The following ADGRF3 variants were observed in gnomAD, a reference collection of about 807,000 sequenced individuals.
The protein encoded by ADGRF3 is adhesion G protein-coupled receptor F3.
ADGRF3 carries 85 observed loss-of-function variants against 93.2 expected under a neutral mutation model. That is an observed-to-expected ratio of 0.91 (90% CI 0.77 to 1.09). The LOEUF (loss-of-function observed/expected upper bound fraction) is 1.09. ADGRF3 is among the 50% of genes least tolerant of loss of function. ADGRF3 has a pLI of 0.00. For missense variants in ADGRF3, 1,125 were observed against 1,246.2 expected (o/e 0.90, Z 1.46); for synonymous variants, 534 against 532.5 (o/e 1.00, Z -0.04).
At chr2:26,325,180 C>T (rs772696298) in intron 1 of ADGRF3, among the ~76,000 whole-genome samples, 83 of 152,248 alleles carry the variant, frequency 5.5e-4, no homozygotes, top group Non-Finnish European at 8.8e-4. Flanking sequence ...CAGCTGTTCA[C>T]CCAGCTGCAG....
intron 1 of ADGRF3, among the ~76,000 whole-genome samples, chr2:26,339,506 A>C (rs1676251160): frequency 6.6e-6 from 1 of 152,140 alleles, no homozygotes; most frequent in Non-Finnish European, 1.5e-5. Flanking sequence ...AAACAAACAA[A>C]CCAACAAAAC....
intron 1 of ADGRF3, among the ~76,000 whole-genome samples, chr2:26,320,521 T>C (rs1187811524): frequency 6.6e-6 from 1 of 152,012 alleles, no homozygotes; most frequent in Non-Finnish European, 1.5e-5. Flanking sequence ...AAAAAAGAAG[T>C]AGTTTGATAA....
In ADGRF3 at chr2:26,311,685, A is replaced by C. The variant is rs776908759; in HGVS notation, c.1839T>G (p.Thr613=). The change falls in exon 10 of 14, where the codon ACT becomes ACG. Residue 613 remains threonine (T), a synonymous_variant. Coordinates refer to ENST00000651242, the MANE Select transcript of ADGRF3 (RefSeq NM_001321971.2). ...TGGAAATGACAAGGACCAGGCCAGG[A>C]GTGGCATAGAGGGAATCCCCCAGCC... The part of the protein sequence containing the change: ...GQGLGDSLYA[T]PGLVLVISIM... 6.2e-7 allele frequency: 1 copy of C among 1,613,478 alleles called. No homozygotes were observed. The highest frequency in any genetic ancestry group is 1.1e-5 in the South Asian group (1 of 91,060).
chr2:26,341,944 G>T (rs1676420606), intron 1 of ADGRF3, among the ~76,000 whole-genome samples: 1 of 151,904 alleles, frequency 6.6e-6, no homozygotes, highest in South Asian at 2.1e-4. Context: ...ATGGTGGCAG[G>T]TGCCTGTAGT....
At chr2:26,309,227 TAA>T in intron 13 of ADGRF3, 120 bp from the exon 14 acceptor site, 1 of 1,608,876 alleles carries the variant, frequency 6.2e-7, no homozygotes, top group Admixed American at 1.7e-5. Flanking sequence ...TCATGATAAT[TAA>T]ATGTGTGATA....
At chr2:26,310,591 A>T (rs1338277599) in intron 10 of ADGRF3, 101 bp downstream of exon 10, 1 of 1,265,186 alleles carries the variant, frequency 7.9e-7, no homozygotes, top group East Asian at 2.5e-5. Context: ...TCCTGAACCT[A>T]TGTTTCTTCT....
chr2:26,325,489 G>C (rs1453872155), intron 1 of ADGRF3, among the ~76,000 whole-genome samples: 1 of 152,186 alleles, frequency 6.6e-6, no homozygotes, highest in East Asian at 1.9e-4. Flanking sequence ...TCCTGCATTT[G>C]CTGTCTGGGA....
In ADGRF3 at chr2:26,346,396, C is replaced by T. The variant is rs1676758547; in HGVS notation, c.-162G>A. The T allele has an allele frequency of 7.6e-7, 1 of 1,323,608 alleles. No individual in the cohort carries two copies. The highest frequency in any genetic ancestry group is 1.5e-5 in the African/African-American group (1 of 64,680). The allele number at this position is 1,323,608 out of a possible 1,614,324, so 82.0% of individuals were successfully genotyped here. ...TCACCTTGTGCCGCGTGGCTCCGGGCGGGCTGGCGGGCGTTCCTCCGGAGG... is the reference window on the plus strand; with the variant it reads ...TCACCTTGTGCCGCGTGGCTCCGGGTGGGCTGGCGGGCGTTCCTCCGGAGG... On this transcript the variant is annotated 5_prime_UTR_variant, in exon 1 of 14. Transcript: ENST00000651242.
Position 26,313,432 on chromosome 2 carries a change from G to A in ADGRF3, c.1214C>T (p.Pro405Leu), listed in dbSNP as rs528258945. ...CGCATCTGTGCAGCTGCTGTGGACC[G>A]GCCCCCAGACTCCGTCAGCCCCACA... ...RLCGADGVWG[P>L]VHSSCTDARL... The change falls in exon 8 of 14, where the codon CCG becomes CTG. Residue 405 changes from proline (P) to leucine (L), a missense_variant. By Grantham distance (98) the Pro-to-Leu change is moderately conservative. Coordinates refer to ENST00000651242, the MANE Select transcript of ADGRF3 (RefSeq NM_001321971.2). The A allele has an allele frequency of 8.7e-6, 14 of 1,609,202 alleles. No individual in the cohort carries two copies. The highest frequency in any genetic ancestry group is 2.7e-5 in the African/African-American group (2 of 74,780).
In ADGRF3 at chr2:26,313,585, C is replaced by A. The variant is rs763208063; in HGVS notation, c.1073-12G>T. 3 of 1,597,210 alleles carry A rather than the reference C, an allele frequency of 1.9e-6. No homozygotes were observed. The Admixed American group carries it at 5.1e-5, about 27-fold the overall frequency. The stretch of plus-strand genomic sequence containing the variant: ...GGTGATGTCTCCATCTGAAGAATGA[C>A]GAGCAGGCGCTACTCAGCAATCACA... On this transcript the variant is annotated splice_polypyrimidine_tract_variant and intron_variant, in intron 7 of 13. Transcript: ENST00000651242.
At position 26,309,916 on chromosome 2, in the gene ADGRF3, C is replaced by A. The variant is rs1421688617; in HGVS notation, c.2937+127G>T. The A allele has an allele frequency of 1.9e-6, 3 of 1,594,438 alleles. No homozygotes were observed. The South Asian group carries it at 3.4e-5, about 18-fold the overall frequency. On this transcript the variant is annotated intron_variant, in intron 12 of 13. Coordinates refer to ENST00000651242, the MANE Select transcript of ADGRF3 (RefSeq NM_001321971.2). ...GGGGAGCTGGAACCGGAAAACTGTT[C>A]ATTCTAAAAAACAACCCCAATCTTC...
At position 26,311,297 on chromosome 2, in the gene ADGRF3, C is replaced by A; in HGVS notation, c.2227G>T (p.Ala743Ser). Residue 743 changes from alanine (A) to serine (S), a missense_variant, in exon 10 of 14, where the codon GCC becomes TCC. Ala to Ser is a moderately conservative substitution (Grantham distance 99). Transcript: ENST00000651242. ...AAGCAGAACACCATGTTGAGCAGGGCGGCGTGGCGGAAATAGGAGATCTTG... is the reference window on the plus strand; with the variant it reads ...AAGCAGAACACCATGTTGAGCAGGGAGGCGTGGCGGAAATAGGAGATCTTG... The part of the protein sequence containing the change: ...RNKISYFRHA[A>S]LLNMVFCLLA... 6.2e-7 allele frequency: 1 copy of A among 1,613,788 alleles called. No homozygotes were observed. Among genetic ancestry groups the A allele is most frequent in the Non-Finnish European group, 8.5e-7 (1 of 1,179,842 alleles).
chr2:26,330,562 C>T (rs1404567562), intron 1 of ADGRF3, among the ~76,000 whole-genome samples: 2 of 152,180 alleles, frequency 1.3e-5, no homozygotes, highest in Non-Finnish European at 2.9e-5. Context: ...GTTCCCCTCC[C>T]TCAGAGTTCT....
chr2:26,314,520 C>T lies in ADGRF3; in HGVS notation c.822G>A (p.Gln274=). The T allele has an allele frequency of 6.2e-7, 1 of 1,614,074 alleles. No homozygotes were observed. The highest frequency in any genetic ancestry group is 1.1e-5 in the South Asian group (1 of 91,088). The part of the protein sequence containing the change: ...KATDVARLPY[Q]LSISCATSPG... ...GGGAGGTGGCACAGGAGATGGACAGCTGGTATGGAAGTCGAGCCACATCTG... is the reference window on the plus strand; with the variant it reads ...GGGAGGTGGCACAGGAGATGGACAGTTGGTATGGAAGTCGAGCCACATCTG... The change falls in exon 6 of 14, where the codon CAG becomes CAA. Residue 274 remains glutamine (Q), a synonymous_variant. Transcript: ENST00000651242.
intron 1 of ADGRF3, among the ~76,000 whole-genome samples, chr2:26,334,327 C>T (rs1015906970): frequency 6.6e-6 from 1 of 151,352 alleles, no homozygotes; most frequent in African/African-American, 2.4e-5. Flanking sequence ...AAACCACCCA[C>T]AATGCTTTAA....
At chr2:26,341,766 G>A (rs547153939) in intron 1 of ADGRF3, among the ~76,000 whole-genome samples, 2 of 152,074 alleles carry the variant, frequency 1.3e-5, no homozygotes, top group Admixed American at 1.3e-4. Flanking sequence ...TCAGCATGCT[G>A]GAATTTGATT....
Position 26,312,030 on chromosome 2 carries a change from C to T in ADGRF3, c.1494G>A (p.Arg498=), listed in dbSNP as rs149862488. 2.3e-4 allele frequency: 364 copies of T among 1,612,628 alleles called. No individual in the cohort carries two copies. Among genetic ancestry groups the T allele is most frequent in the Non-Finnish European group, 2.9e-4 (343 of 1,179,874 alleles). The change falls in exon 10 of 14, where the codon AGG becomes AGA. Residue 498 remains arginine, a synonymous_variant. Transcript: ENST00000651242. The part of the protein sequence containing the change: ...ATDKVLDMDT[R]SLWTLAQARK... ...GGGCTTGGGCCAGGGTCCACAGAGACCTGGTGTCCATATCTAGGACCTTGT... is the reference window on the plus strand; with the variant it reads ...GGGCTTGGGCCAGGGTCCACAGAGATCTGGTGTCCATATCTAGGACCTTGT...
At chr2:26,319,610 CCTTCCTTTCTTTCTT>C (rs1558391102) in intron 1 of ADGRF3, among the ~76,000 whole-genome samples, 2 of 62,486 alleles carry the variant, frequency 3.2e-5, no homozygotes, top group African/African-American at 9.5e-5. Context: ...TTCCTTCCTT[CCTTCCTTTCTTTCTT>C]TGTTTCTTTC....
intron 1 of ADGRF3, among the ~76,000 whole-genome samples, chr2:26,331,772 CA>C (rs796281756): frequency 2.0e-5 from 3 of 151,346 alleles, no homozygotes; most frequent in African/African-American, 7.3e-5. Context: ...AAGAAACAAA[CA>C]AAAAACCTTT....
Sources: allele counts gnomAD v4.1 joint callset (sites outside exome capture counted in the v4.1 genomes callset), GRCh38; gene constraint gnomAD v4.1.1; transcripts MANE v1.5; gene names NCBI Gene and HGNC (gene_info 2026-07-23, HGNC 2026-07-21).